Variants in MBD5 observed in about 807,000 individuals in gnomAD.
MBD5 encodes the protein methyl-CpG-binding domain protein 5.
A neutral mutation model predicts 117.3 loss-of-function variants in MBD5; 13 were observed. The ratio of observed to expected loss-of-function variants is 0.11; its 90% CI spans 0.07 to 0.18. The LOEUF (loss-of-function observed/expected upper bound fraction) is 0.18. Among genes scored for constraint, MBD5 ranks in the 10% least tolerant of loss-of-function variants. The pLI, the probability that MBD5 is intolerant of heterozygous loss-of-function variation, is 1.00. For synonymous variants in MBD5, 727 were observed against 766.4 expected (o/e 0.95, Z 0.85); for missense variants, 1,879 against 2,093.8 (o/e 0.90, Z 2.00).
At chr2:148,500,705 T>G (rs1681846120) in intron 11 of MBD5, among the ~76,000 whole-genome samples, 1 of 152,228 alleles carries the variant, frequency 6.6e-6, no homozygotes, top group Non-Finnish European at 1.5e-5. Flanking sequence ...GGTCCCTCGC[T>G]ACACCAGTTT....
intron 1 of MBD5, among the ~76,000 whole-genome samples, chr2:148,139,292 C>T (rs1697249465): frequency 6.6e-6 from 1 of 152,118 alleles, no homozygotes; most frequent in African/African-American, 2.4e-5. Context: ...CCGCAACCTC[C>T]ACCTTCCGGG....
chr2:148,037,068 T>C (rs1313784643), intron 1 of MBD5, among the ~76,000 whole-genome samples: 1 of 151,886 alleles, frequency 6.6e-6, no homozygotes, highest in African/African-American at 2.4e-5. Flanking sequence ...AGACGTAGGG[T>C]TTTTATGTAA....
intron 4 of MBD5, among the ~76,000 whole-genome samples, chr2:148,349,352 G>A (rs977364375): frequency 3.3e-5 from 5 of 151,896 alleles, no homozygotes; most frequent in African/African-American, 1.2e-4. Context: ...TATACAGTAA[G>A]CCCTATTTAA....
At chr2:148,067,602 T>C (rs1174306996) in intron 1 of MBD5, among the ~76,000 whole-genome samples, 1 of 152,216 alleles carries the variant, frequency 6.6e-6, no homozygotes, top group Non-Finnish European at 1.5e-5. Context: ...ATTAAACTGC[T>C]ACCTAGAATT....
chr2:148,330,115 A>ACACACACACACACACACACACTCT (rs148068244), intron 3 of MBD5, among the ~76,000 whole-genome samples: 1 of 127,422 alleles, frequency 7.8e-6, no homozygotes, highest in Admixed American at 9.1e-5. Flanking sequence ...ACACACACAC[A>ACACACACACACACACACACACTCT]CACTCTACCT....
At chr2:148,244,576 A>T (rs1464413277) in intron 3 of MBD5, among the ~76,000 whole-genome samples, 4 of 152,208 alleles carry the variant, frequency 2.6e-5, no homozygotes, top group East Asian at 3.8e-4. Flanking sequence ...GAAAACTCAA[A>T]TAAGTGCTTA....
chr2:148,081,115 CAG>C (rs937676991), intron 1 of MBD5, among the ~76,000 whole-genome samples: 2 of 152,146 alleles, frequency 1.3e-5, no homozygotes, highest in Non-Finnish European at 2.9e-5. Context: ...GCTCACAGCT[CAG>C]AGTGTCAGGG....
intron 4 of MBD5, among the ~76,000 whole-genome samples, chr2:148,449,438 A>G (rs1706660371): frequency 6.6e-6 from 1 of 152,042 alleles, no homozygotes; most frequent in African/African-American, 2.4e-5. Flanking sequence ...ATATGGGAGA[A>G]TTACAAGGGG....
intron 4 of MBD5, among the ~76,000 whole-genome samples, chr2:148,369,445 A>G (rs1220498365): frequency 6.6e-6 from 1 of 152,172 alleles, no homozygotes; most frequent in Admixed American, 6.5e-5. Context: ...TTCTAAGGAA[A>G]TGAAGTATTT....
At chr2:148,463,977 G>A (rs1707179378) in intron 7 of MBD5, 58 bp downstream of exon 7, 1 of 1,566,358 alleles carries the variant, frequency 6.4e-7, no homozygotes, top group Non-Finnish European at 8.7e-7. Context: ...GGAGTTGCTA[G>A]AAATCATTTT....
chr2:148,366,733 A>G (rs187585518), intron 4 of MBD5, among the ~76,000 whole-genome samples: 8 of 152,128 alleles, frequency 5.3e-5, no homozygotes, highest in Non-Finnish European at 1.0e-4. Context: ...TACAATTGCT[A>G]CAAAGAGAAT....
At chr2:148,424,626 A>G (rs1705718911) in intron 4 of MBD5, among the ~76,000 whole-genome samples, 1 of 152,146 alleles carries the variant, frequency 6.6e-6, no homozygotes, top group Non-Finnish European at 1.5e-5. Context: ...TTAACCACAT[A>G]ATTGGAAGTA....
intron 3 of MBD5, among the ~76,000 whole-genome samples, chr2:148,270,878 T>C (rs1700969772): frequency 6.6e-6 from 1 of 152,194 alleles, no homozygotes; most frequent in African/African-American, 2.4e-5. Context: ...TCTGATTTCC[T>C]TCTTTCTGAA....
chr2:148,360,030 C>A (rs1330792463), intron 4 of MBD5, among the ~76,000 whole-genome samples: 1 of 151,762 alleles, frequency 6.6e-6, no homozygotes, highest in Non-Finnish European at 1.5e-5. Flanking sequence ...AATAAATTCA[C>A]TAGATTTCAA....
intron 4 of MBD5, among the ~76,000 whole-genome samples, chr2:148,386,971 C>A (rs1282920455): frequency 6.6e-6 from 1 of 152,104 alleles, no homozygotes; most frequent in African/African-American, 2.4e-5. Context: ...GTAACTGACC[C>A]CTGGCCTTTC....
intron 3 of MBD5, among the ~76,000 whole-genome samples, chr2:148,244,776 C>T (rs1700297042): frequency 6.6e-6 from 1 of 152,110 alleles, no homozygotes; most frequent in South Asian, 2.1e-4. Context: ...CCCTTCAAAG[C>T]TGGTTCACAG....
chr2:148,334,940 A>G (rs1702749666), intron 3 of MBD5, among the ~76,000 whole-genome samples: 2 of 152,074 alleles, frequency 1.3e-5, no homozygotes, highest in African/African-American at 2.4e-5. Context: ...TTAAATGCTT[A>G]TATATTTAAA....
rs1681224218 is a variant in MBD5, at chr2:148,483,330, C to T, written c.2739C>T (p.Pro913=). The part of the protein sequence containing the change: ...NSTSNNHLPH[P]LNPSLLSSLP... ...CTTCAAACAACCATCTTCCACACCC[C>T]TTGAACCCCAGCCTCCTCAGTTCTC... The change falls in exon 9 of 14, where the codon CCC becomes CCT. Residue 913 remains proline, a synonymous_variant. Transcript: ENST00000642680. 2.5e-6 allele frequency: 4 copies of T among 1,614,112 alleles called. No homozygotes were observed. The highest frequency in any genetic ancestry group is 3.4e-6 in the Non-Finnish European group (4 of 1,180,006).
At chr2:148,457,542 C>G (rs1706923235) in intron 4 of MBD5, among the ~76,000 whole-genome samples, 1 of 151,972 alleles carries the variant, frequency 6.6e-6, no homozygotes, top group Non-Finnish European at 1.5e-5. Flanking sequence ...CTGTTTCAAG[C>G]TAGTATGTCC....
Sources: gnomAD v4.1 joint callset for allele counts (sites outside exome capture counted in the v4.1 genomes callset) on GRCh38, gnomAD v4.1.1 for gene constraint, MANE v1.5 for transcripts, NCBI Gene and HGNC (gene_info 2026-07-23, HGNC 2026-07-21) for gene names.